Variants in CAP2 observed in about 807,000 individuals in gnomAD.
CAP2 encodes adenylyl cyclase-associated protein 2.
A neutral mutation model predicts 57.7 loss-of-function variants in CAP2; 24 were observed. That is an observed-to-expected ratio of 0.42 (90% CI 0.30 to 0.58). The LOEUF (loss-of-function observed/expected upper bound fraction) is 0.58, where lower values mean the gene tolerates loss of function less well. Among genes scored for constraint, CAP2 ranks in the 20% least tolerant of loss-of-function variants. CAP2 has a pLI of 0.22. For missense variants in CAP2, 501 were observed against 590.3 expected (o/e 0.85, Z 1.57); for synonymous variants, 194 against 207.2 (o/e 0.94, Z 0.55).
intron 7 of CAP2, among the ~76,000 whole-genome samples, chr6:17,519,274 G>T (rs954397422): frequency 1.3e-5 from 2 of 151,794 alleles, no homozygotes; most frequent in Non-Finnish European, 2.9e-5. Flanking sequence ...GCCCTGTTCA[G>T]TTGTCAGGGT....
intron 1 of CAP2, among the ~76,000 whole-genome samples, chr6:17,402,364 A>G (rs1040299675): frequency 3.9e-5 from 6 of 152,240 alleles, no homozygotes; most frequent in African/African-American, 1.4e-4. Context: ...AGGACAAAAA[A>G]GGGGGAAATT....
chr6:17,484,930 G>A (rs758417935), intron 4 of CAP2, among the ~76,000 whole-genome samples: 4 of 152,120 alleles, frequency 2.6e-5, no homozygotes, highest in Non-Finnish European at 5.9e-5. Context: ...TTATTTCACT[G>A]TCTTTGAAAA....
intron 6 of CAP2, among the ~76,000 whole-genome samples, chr6:17,511,184 A>C (rs1189754794): frequency 6.6e-6 from 1 of 151,908 alleles, no homozygotes; most frequent in Non-Finnish European, 1.5e-5. Flanking sequence ...TAGTCAAAGC[A>C]CTCCCAGGTC....
At chr6:17,523,622 G>A (rs2113678436) in intron 7 of CAP2, among the ~76,000 whole-genome samples, 1 of 152,312 alleles carries the variant, frequency 6.6e-6, no homozygotes, top group South Asian at 2.1e-4. Flanking sequence ...AGGAGAACTA[G>A]AAGAATGGAG....
rs1197104013 is a variant in CAP2, at chr6:17,406,412, T to TTTTTTTTTTTTTTTTTTTTTTTTTTTTTC, written c.-2+12667_-2+12668insTTTTTTTTTTTTTTTTTTTTTTTTTTTCT. On this transcript the variant is annotated intron_variant, in intron 1 of 12. Transcript: ENST00000229922. ...AGCCCAGATTTCTTTTTTTTTTTTT[T>TTTTTTTTTTTTTTTTTTTTTTTTTTTTTC]TGAGGCAGTCTCACTCTGTCGCCCA... 1.3e-4 allele frequency among the ~76,000 whole-genome samples: 17 copies of TTTTTTTTTTTTTTTTTTTTTTTTTTTTTC among 135,262 alleles called. 3 individuals are homozygous for TTTTTTTTTTTTTTTTTTTTTTTTTTTTTC. The highest frequency in any genetic ancestry group is 3.7e-3 in the Middle Eastern group (1 of 272). The allele number at this position is 135,262 out of a possible 152,430, so 88.7% of individuals were successfully genotyped here.
intron 4 of CAP2, among the ~76,000 whole-genome samples, chr6:17,473,810 A>G (rs1239146901): frequency 2.0e-5 from 3 of 152,216 alleles, no homozygotes; most frequent in Non-Finnish European, 4.4e-5. Flanking sequence ...ATCATTTGAT[A>G]TTAGTGTTTA....
intron 1 of CAP2, among the ~76,000 whole-genome samples, chr6:17,414,879 A>G (rs1020004730): frequency 6.6e-6 from 1 of 152,152 alleles, no homozygotes; most frequent in African/African-American, 2.4e-5. Context: ...CAACAGCGTA[A>G]AAGTGTTCCT....
At chr6:17,541,437 G>T (rs1032548639) in intron 9 of CAP2, among the ~76,000 whole-genome samples, 5 of 151,906 alleles carry the variant, frequency 3.3e-5, no homozygotes, top group Non-Finnish European at 5.9e-5. Context: ...AAAATTAGCC[G>T]GGCATGGTGG....
chr6:17,520,911 C>T (rs943637714), intron 7 of CAP2, among the ~76,000 whole-genome samples: 10 of 152,204 alleles, frequency 6.6e-5, no homozygotes, highest in South Asian at 4.1e-4. Context: ...GAATGGGCAG[C>T]GCCTCAGATG....
intron 7 of CAP2, among the ~76,000 whole-genome samples, chr6:17,536,564 A>G (rs551436846): frequency 6.6e-6 from 1 of 152,374 alleles, no homozygotes; most frequent in African/African-American, 2.4e-5. Flanking sequence ...GAATGTATCA[A>G]AGTTCCAAAA....
chr6:17,542,672 C>T (rs1248556882), intron 9 of CAP2, among the ~76,000 whole-genome samples, 165 bp from the exon 10 acceptor site: 1 of 152,192 alleles, frequency 6.6e-6, no homozygotes, highest in African/African-American at 2.4e-5. Context: ...TTTTTCCCAT[C>T]CTAACAATGA....
chr6:17,553,436 A>G (rs1763219292), intron 12 of CAP2, among the ~76,000 whole-genome samples: 1 of 152,136 alleles, frequency 6.6e-6, no homozygotes, highest in South Asian at 2.1e-4. Flanking sequence ...GATCAAGACC[A>G]TCCTGGCTAA....
intron 3 of CAP2, among the ~76,000 whole-genome samples, chr6:17,445,920 T>C (rs565676359): frequency 6.6e-6 from 1 of 152,316 alleles, no homozygotes; most frequent in South Asian, 2.1e-4. Context: ...GTTTGTACCA[T>C]GAGATAAGTA....
chr6:17,521,285 G>A (rs1762386546), intron 7 of CAP2, among the ~76,000 whole-genome samples: 1 of 152,134 alleles, frequency 6.6e-6, no homozygotes, highest in African/African-American at 2.4e-5. Context: ...CGCACAAGGT[G>A]GCGGGTGCCT....
intron 11 of CAP2, among the ~76,000 whole-genome samples, chr6:17,547,273 C>T (rs552892356): frequency 2.6e-5 from 4 of 152,086 alleles, no homozygotes; most frequent in Non-Finnish European, 5.9e-5. Context: ...TAAATGTACT[C>T]ATGTAAACAC....
chr6:17,435,605 G>C (rs368744223), intron 3 of CAP2, among the ~76,000 whole-genome samples: 1 of 120,266 alleles, frequency 8.3e-6, no homozygotes, highest in African/African-American at 3.3e-5. Flanking sequence ...TGGGTGCAGC[G>C]CACCAGCATG....
chr6:17,431,807 G>A (rs1759745137), intron 3 of CAP2, among the ~76,000 whole-genome samples: 1 of 152,076 alleles, frequency 6.6e-6, no homozygotes, highest in Non-Finnish European at 1.5e-5. Flanking sequence ...AATAGCCCAT[G>A]CACCTGACTC....
Position 17,513,928 on chromosome 6 carries a change from A to G in CAP2, c.610A>G (p.Thr204Ala). Residue 204 changes from threonine (T) to alanine (A), a missense_variant, in exon 7 of 13, where the codon ACC becomes GCC. Physicochemically the swap from Thr to Ala is moderately conservative, Grantham distance 58. Transcript: ENST00000229922. The surrounding 1 kb of genome is among the most constrained non-coding windows in gnomAD (Gnocchi z 4.3). Reference protein sequence around the residue: ...ELQAYIKEHHTTGLTWSKTGP... With the variant: ...ELQAYIKEHHATGLTWSKTGP... ...TCAAGCATACATCAAGGAACACCAC[A>G]CCACGGGCCTCACATGGAGCAAAAC... is the stretch of plus-strand genomic sequence containing the variant. 1 of 1,612,996 alleles carries G rather than the reference A, an allele frequency of 6.2e-7. No homozygotes were observed. Among genetic ancestry groups the G allele is most frequent in the Non-Finnish European group, 8.5e-7 (1 of 1,178,952 alleles).
intron 1 of CAP2, among the ~76,000 whole-genome samples, chr6:17,400,311 GA>G (rs1295456240): frequency 1.3e-5 from 2 of 152,114 alleles, no homozygotes; most frequent in Admixed American, 1.3e-4. Context: ...AGTTTAATGA[GA>G]AAATAACCTC....
Sources: gnomAD v4.1 joint callset for allele counts (sites outside exome capture counted in the v4.1 genomes callset) on GRCh38, gnomAD v4.1.1 for gene constraint, Gnocchi (gnomAD v3.1) non-coding constraint, MANE v1.5 for transcripts, NCBI Gene and HGNC (gene_info 2026-07-23, HGNC 2026-07-21) for gene names.